GPATCH8: variants seen among roughly 807,000 people sequenced by gnomAD.
GPATCH8 encodes the protein G patch domain-containing protein 8.
GPATCH8 carries 18 observed loss-of-function variants against 118.3 expected under a neutral mutation model. The observed-to-expected ratio is 0.15, with a 90% CI of 0.11 to 0.23. The LOEUF is 0.23. Ranked by LOEUF, GPATCH8 falls within the 10% of genes least tolerant of loss-of-function variation. GPATCH8 has a pLI of 1.00. For missense variants in GPATCH8, 1,631 were observed against 1,873.8 expected (o/e 0.87, Z 2.39); for synonymous variants, 659 against 684.7 (o/e 0.96, Z 0.59).
At chr17:44,442,883 T>C (rs1039813896) in intron 3 of GPATCH8, among the ~76,000 whole-genome samples, 1 of 152,130 alleles carries the variant, frequency 6.6e-6, no homozygotes, top group Non-Finnish European at 1.5e-5. Flanking sequence ...TTTGAGACCA[T>C]ACTGGGCAAT....
intron 7 of GPATCH8, among the ~76,000 whole-genome samples, chr17:44,403,467 C>A (rs1352399676): frequency 6.6e-6 from 1 of 152,174 alleles, no homozygotes; most frequent in Non-Finnish European, 1.5e-5. Flanking sequence ...GATCCTCCTG[C>A]CTCTGTGTCA....
chr17:44,497,265 G>T (rs1380210246), intron 1 of GPATCH8, among the ~76,000 whole-genome samples: 1 of 152,192 alleles, frequency 6.6e-6, no homozygotes, highest in Non-Finnish European at 1.5e-5. Flanking sequence ...TCATAATTAA[G>T]ATCTCATGAA....
chr17:44,425,489 T>C (rs1490666488), intron 5 of GPATCH8, among the ~76,000 whole-genome samples: 1 of 152,210 alleles, frequency 6.6e-6, no homozygotes, highest in Non-Finnish European at 1.5e-5. Flanking sequence ...TTTTGCCCTA[T>C]CTAATCCTTC....
In GPATCH8 at chr17:44,435,169, T is replaced by G. The variant is rs2050454915; in HGVS notation, c.262-18A>C. The G allele has an allele frequency of 8.6e-7, 1 of 1,159,986 alleles. No homozygotes were observed. Among genetic ancestry groups the G allele is most frequent in the East Asian group, 2.3e-5 (1 of 42,824 alleles). 71.9% of individuals were successfully genotyped at this position (1,159,986 alleles called of 1,614,324 possible). A position where few individuals can be genotyped will look rare whatever the true frequency, so the allele number is the denominator to read the frequency against. On this transcript the variant is annotated intron_variant, in intron 4 of 7. Coordinates refer to ENST00000591680, the MANE Select transcript of GPATCH8 (RefSeq NM_001002909.4). ...TAATCAAGCTTGACAAAAATAGATA[T>G]GATTAGATTTAATTCCTAAAGTACC... is the stretch of plus-strand genomic sequence containing the variant.
intron 1 of GPATCH8, among the ~76,000 whole-genome samples, chr17:44,498,082 G>C (rs1969804827): frequency 6.6e-6 from 1 of 152,124 alleles, no homozygotes; most frequent in South Asian, 2.1e-4. Flanking sequence ...TATGTATCTT[G>C]AAATATTTTT....
chr17:44,502,574 T>C (rs752895581), intron 1 of GPATCH8, among the ~76,000 whole-genome samples: 1 of 152,114 alleles, frequency 6.6e-6, no homozygotes, highest in Non-Finnish European at 1.5e-5. Context: ...ACATTTGCAA[T>C]TGAAGAAAGA....
At chr17:44,436,652 C>A in intron 3 of GPATCH8, 107 bp from the exon 4 acceptor site, 1 of 747,178 alleles carries the variant, frequency 1.3e-6, no homozygotes, top group South Asian at 1.4e-5. Context: ...GTGCAGAGAC[C>A]AGAAAGCTAC....
At chr17:44,438,644 T>C (rs1037884007) in intron 3 of GPATCH8, 1 of 151,436 alleles carries the variant, frequency 6.6e-6, no homozygotes, top group African/African-American at 2.4e-5. Context: ...ACAAAAGGAG[T>C]AATTCAGTCT....
At chr17:44,488,222 C>A (rs568569976) in intron 1 of GPATCH8, among the ~76,000 whole-genome samples, 60 of 122,384 alleles carry the variant, frequency 4.9e-4, no homozygotes, top group African/African-American at 1.8e-3. Flanking sequence ...CGTGCCTGAC[C>A]CTTTTTTTTT....
chr17:44,481,914 G>A (rs1214485587), intron 1 of GPATCH8, among the ~76,000 whole-genome samples: 1 of 152,090 alleles, frequency 6.6e-6, no homozygotes, highest in Non-Finnish European at 1.5e-5. Flanking sequence ...TTGAGGTCAG[G>A]AATTTGAGAC....
Position 44,485,286 on chromosome 17 carries a change from A to AT in GPATCH8, c.46-10384dup, listed in dbSNP as rs901096670. On this transcript the variant is annotated intron_variant, in intron 1 of 7. Coordinates refer to ENST00000591680, the MANE Select transcript of GPATCH8 (RefSeq NM_001002909.4). ...ACCCGTCTAATGTTTTCATTTAAAA[A>AT]TTTTTTTTTGTAGACTTGGAGTCTT... is the stretch of plus-strand genomic sequence containing the variant. Among the ~76,000 whole-genome samples, 7 of 151,762 alleles carry AT rather than the reference A, an allele frequency of 4.6e-5. No individual in the cohort carries two copies. The South Asian group carries it at 8.3e-4, about 18-fold the overall frequency.
intron 1 of GPATCH8, among the ~76,000 whole-genome samples, chr17:44,480,190 G>A (rs8080810): frequency 0.037 from 5,640 of 152,194 alleles, 337 homozygotes; most frequent in African/African-American, 0.13. Flanking sequence ...CAGGTGGCAA[G>A]TAAGCACATG....
chr17:44,480,020 T>C (rs1197322464), intron 1 of GPATCH8, among the ~76,000 whole-genome samples: 1 of 151,806 alleles, frequency 6.6e-6, no homozygotes, highest in South Asian at 2.1e-4. Flanking sequence ...ACAAATCTTA[T>C]TCCTTTTCAA....
intron 1 of GPATCH8, among the ~76,000 whole-genome samples, chr17:44,482,976 G>A (rs1968398227): frequency 6.7e-6 from 1 of 148,248 alleles, no homozygotes; most frequent in Non-Finnish European, 1.5e-5. Flanking sequence ...CTAACACGGT[G>A]CAACCCCGTC....
intron 6 of GPATCH8, among the ~76,000 whole-genome samples, chr17:44,407,481 C>G (rs2049274807): frequency 6.6e-6 from 1 of 152,104 alleles, no homozygotes; most frequent in African/African-American, 2.4e-5. Flanking sequence ...CACAGACTGA[C>G]ACAGTAATCC....
chr17:44,406,506 G>GGGGGGT (rs377596219), intron 6 of GPATCH8, among the ~76,000 whole-genome samples: 775 of 69,320 alleles, frequency 0.011, 87 homozygotes, highest in East Asian at 0.032. Flanking sequence ...TGGGGGGGGG[G>GGGGGGT]GGTTATTTAA....
rs904142744 is a variant in GPATCH8, at chr17:44,396,521, G to A, written c.*1047C>T. On this transcript the variant is annotated 3_prime_UTR_variant, in exon 8 of 8. Transcript: ENST00000591680. Reference sequence around the variant, plus strand: ...TAACTTCAAAAAATACATAAGTTTGGTAAAATATACATGCTTAGTCAGTTT... The same window carrying A: ...TAACTTCAAAAAATACATAAGTTTGATAAAATATACATGCTTAGTCAGTTT... The A allele has an allele frequency of 4.4e-6, 2 of 452,108 alleles. No homozygotes were observed. The highest frequency in any genetic ancestry group is 3.1e-5 in the South Asian group (2 of 64,072). The allele number at this position is 452,108 out of a possible 1,614,324, so 28.0% of individuals were successfully genotyped here. A position where few individuals can be genotyped will look rare whatever the true frequency, so the allele number is the denominator to read the frequency against.
intron 1 of GPATCH8, among the ~76,000 whole-genome samples, chr17:44,501,362 A>G (rs1970051854): frequency 6.6e-6 from 1 of 151,988 alleles, no homozygotes; most frequent in Admixed American, 6.6e-5. Context: ...GGTTGCAGTG[A>G]GCCGAGATCG....
rs371378984 is a variant in GPATCH8, at chr17:44,458,187, G to C, written c.193+6285C>G. The stretch of plus-strand genomic sequence containing the variant: ...GATCACTTGAGCCCAGGAGATCAAG[G>C]CTGCAGTGAGCTATGATTATGCCAC... On this transcript the variant is annotated intron_variant, in intron 3 of 7. Transcript: ENST00000591680. 1.2e-4 allele frequency among the ~76,000 whole-genome samples: 18 copies of C among 150,744 alleles called. No individual in the cohort carries two copies. In the South Asian group the frequency reaches 3.6e-3, roughly 30 times the overall value.
Sources: allele counts gnomAD v4.1 joint callset (sites outside exome capture counted in the v4.1 genomes callset), GRCh38; gene constraint gnomAD v4.1.1; transcripts MANE v1.5; gene names NCBI Gene and HGNC (gene_info 2026-07-23, HGNC 2026-07-21).